Variants in GRAMD1B observed in about 807,000 individuals in gnomAD.
The protein encoded by GRAMD1B is GRAM domain containing 1B.
A neutral mutation model predicts 99.7 loss-of-function variants in GRAMD1B; 37 were observed. The observed-to-expected ratio is 0.37, with a 90% CI of 0.29 to 0.49. The LOEUF is 0.49. Ranked by LOEUF, GRAMD1B falls within the 20% of genes least tolerant of loss-of-function variation. The pLI is 0.98. For missense variants in GRAMD1B, 888 were observed against 1,009.2 expected (o/e 0.88, Z 1.63); for synonymous variants, 427 against 387.6 (o/e 1.10, Z -1.19).
intron 1 of GRAMD1B, chr11:123,435,741 G>A (rs1354063033): frequency 5.7e-6 from 2 of 351,526 alleles, no homozygotes; most frequent in East Asian, 8.5e-5. Flanking sequence ...TTATTCATGA[G>A]TGTGGGAAAA....
At chr11:123,506,840 C>A (rs1248025111) in intron 2 of GRAMD1B, among the ~76,000 whole-genome samples, 1 of 152,024 alleles carries the variant, frequency 6.6e-6, no homozygotes, top group Non-Finnish European at 1.5e-5. Flanking sequence ...TTAAAGCCTC[C>A]TGCCCAGCCC....
At chr11:123,374,712 T>C (rs1364861869) in intron 1 of GRAMD1B, among the ~76,000 whole-genome samples, 1 of 152,248 alleles carries the variant, frequency 6.6e-6, no homozygotes, top group Non-Finnish European at 1.5e-5. Context: ...GTAGGGCTAA[T>C]GAGCTTTCAC....
chr11:123,408,423 G>T (rs975998608), intron 1 of GRAMD1B, among the ~76,000 whole-genome samples: 12 of 152,194 alleles, frequency 7.9e-5, no homozygotes, highest in African/African-American at 2.7e-4. Flanking sequence ...ACAGGATCTA[G>T]GTTATGTTAA....
At chr11:123,524,465 C>G (rs918058959) in intron 2 of GRAMD1B, among the ~76,000 whole-genome samples, 1 of 151,932 alleles carries the variant, frequency 6.6e-6, no homozygotes, top group East Asian at 1.9e-4. Flanking sequence ...CTCAGCCCCC[C>G]GAGTAACTGG....
intron 17 of GRAMD1B, among the ~76,000 whole-genome samples, chr11:123,615,698 G>A (rs925744628): frequency 1.3e-5 from 2 of 152,258 alleles, no homozygotes; most frequent in Admixed American, 1.3e-4. Context: ...ACAGTTCCAG[G>A]TATGTCTCAG....
chr11:123,552,273 C>CTTTTTTTTTTTTTTTT (rs71060514), intron 2 of GRAMD1B, among the ~76,000 whole-genome samples: 12 of 119,370 alleles, frequency 1.0e-4, no homozygotes, highest in Non-Finnish European at 1.5e-4. Context: ...CTCTTTCTTT[C>CTTTTTTTTTTTTTTTT]TTTTTTTTTT....
At chr11:123,417,214 A>G (rs892588620) in intron 1 of GRAMD1B, among the ~76,000 whole-genome samples, 1 of 152,128 alleles carries the variant, frequency 6.6e-6, no homozygotes, top group African/African-American at 2.4e-5. Flanking sequence ...CTCTACTAAA[A>G]ATACAAAAAT....
chr11:123,551,390 AC>A (rs1203253420), intron 2 of GRAMD1B, among the ~76,000 whole-genome samples: 1 of 152,144 alleles, frequency 6.6e-6, no homozygotes, highest in Admixed American at 6.5e-5. Flanking sequence ...AAACCTCTAC[AC>A]TACATGGGAC....
At chr11:123,537,103 A>G (rs544089411) in intron 2 of GRAMD1B, among the ~76,000 whole-genome samples, 2 of 152,248 alleles carry the variant, frequency 1.3e-5, no homozygotes, top group African/African-American at 4.8e-5. Context: ...TTGAGTATCT[A>G]CTGGGCTAGG....
intron 1 of GRAMD1B, among the ~76,000 whole-genome samples, chr11:123,364,915 T>C (rs1462036094): frequency 6.6e-6 from 1 of 152,186 alleles, no homozygotes; most frequent in Non-Finnish European, 1.5e-5. Context: ...CTTTCATTTT[T>C]CCTAGTGAGA....
chr11:123,418,558 G>A (rs563114455), intron 1 of GRAMD1B, among the ~76,000 whole-genome samples: 1 of 152,332 alleles, frequency 6.6e-6, no homozygotes, highest in East Asian at 1.9e-4. Flanking sequence ...AGGAGTGAAT[G>A]TTCTGGGCAA....
intron 1 of GRAMD1B, among the ~76,000 whole-genome samples, chr11:123,415,035 A>C (rs1948179236): frequency 6.6e-6 from 1 of 150,888 alleles, no homozygotes; most frequent in Non-Finnish European, 1.5e-5. Context: ...TTTGTATGAA[A>C]GGCCCCTAAG....
At chr11:123,608,288 C>T in intron 11 of GRAMD1B, 1 of 575,238 alleles carries the variant, frequency 1.7e-6, no homozygotes, top group East Asian at 2.9e-5. Flanking sequence ...AACTTACAGA[C>T]TCTCAAAACC....
At chr11:123,363,325 A>G (rs1245410938) in intron 1 of GRAMD1B, among the ~76,000 whole-genome samples, 1 of 152,228 alleles carries the variant, frequency 6.6e-6, no homozygotes, top group Non-Finnish European at 1.5e-5. Flanking sequence ...CCACACAACC[A>G]GTGCTGGGGT....
chr11:123,496,181 A>T (rs114701308), intron 2 of GRAMD1B, among the ~76,000 whole-genome samples: 3,906 of 152,200 alleles, frequency 0.026, 158 homozygotes, highest in African/African-American at 0.089. Flanking sequence ...TTTGTCTGGG[A>T]AGGTCTTTAT....
rs1368239562 is a variant in GRAMD1B, at chr11:123,608,789, G to T, written c.1644G>T (p.Gln548His). 6.5e-7 allele frequency: 1 copy of T among 1,549,380 alleles called. No homozygotes were observed. The highest frequency in any genetic ancestry group is 8.7e-7 in the Non-Finnish European group (1 of 1,145,712). ...CCTTCCAGCGGGATTTCATGGAGCA[G>T]CGGCGCTTCTCTGGTCCGTTCTGCT... ...NSPFQRDFME[Q>H]RRFSDIIFHP... The change falls in exon 12 of 20, where the codon CAG becomes CAT. Residue 548 changes from glutamine (Q) to histidine (H), a missense_variant. Around this residue, in one of 5 missense-constraint regions of GRAMD1B, gnomAD observed 269 missense variants for 296.6 expected, o/e 0.91. Transcript: ENST00000635736.
intron 1 of GRAMD1B, among the ~76,000 whole-genome samples, chr11:123,380,723 T>C (rs1946843403): frequency 6.6e-6 from 1 of 152,186 alleles, no homozygotes; most frequent in African/African-American, 2.4e-5. Flanking sequence ...TTGGATCTCT[T>C]GGCCTGAGAT....
chr11:123,449,819 C>T (rs767474473), intron 1 of GRAMD1B, among the ~76,000 whole-genome samples: 2 of 151,232 alleles, frequency 1.3e-5, no homozygotes, highest in Non-Finnish European at 2.9e-5. Context: ...TTCCCAAGCT[C>T]AAGTGATCCT....
At chr11:123,577,242 C>G (rs1948811976) in intron 2 of GRAMD1B, 125 bp from the exon 3 acceptor site, 1 of 807,450 alleles carries the variant, frequency 1.2e-6, no homozygotes, top group Non-Finnish European at 2.0e-6. Flanking sequence ...CGGTTTCTCC[C>G]CAGCCCCTCA....
Sources: allele counts gnomAD v4.1 joint callset (sites outside exome capture counted in the v4.1 genomes callset), GRCh38; gene constraint gnomAD v4.1.1; regional missense constraint gnomAD v4.1.1; transcripts MANE v1.5; gene names NCBI Gene and HGNC (gene_info 2026-07-23, HGNC 2026-07-21).